The following RHEX variants were observed in gnomAD, a reference collection of about 807,000 sequenced individuals.
The protein encoded by RHEX is regulator of hemoglobinization and erythroid cell expansion protein.
RHEX carries 18 observed loss-of-function variants against 20.1 expected under a neutral mutation model. The observed-to-expected ratio is 0.90, with a 90% CI of 0.62 to 1.33. The LOEUF is 1.33. RHEX is among the 40% of genes most tolerant of loss of function. The pLI is 0.00. For missense variants in RHEX, 192 were observed against 214.3 expected (o/e 0.90, Z 0.65); for synonymous variants, 87 against 77.1 (o/e 1.13, Z -0.67).
intron 1 of RHEX, among the ~76,000 whole-genome samples, chr1:206,084,409 A>G (rs1304526690): frequency 6.6e-6 from 1 of 152,226 alleles, no homozygotes; most frequent in Non-Finnish European, 1.5e-5. Context: ...TCACACCTAA[A>G]GACGTAAGTG....
intron 1 of RHEX, among the ~76,000 whole-genome samples, chr1:206,091,509 A>C (rs1362933000): frequency 6.6e-6 from 1 of 152,244 alleles, no homozygotes; most frequent in African/African-American, 2.4e-5. Flanking sequence ...ATAAGTATTC[A>C]GTTTATCCAG....
At chr1:206,063,848 C>T (rs551262942) in intron 1 of RHEX, among the ~76,000 whole-genome samples, 5 of 151,516 alleles carry the variant, frequency 3.3e-5, no homozygotes, top group East Asian at 3.9e-4. Context: ...TCTGCCTGGC[C>T]GCCCATCGTC....
chr1:206,100,625 G>A (rs1553288267), intron 4 of RHEX, among the ~76,000 whole-genome samples: 1 of 152,146 alleles, frequency 6.6e-6, no homozygotes, highest in Non-Finnish European at 1.5e-5. Flanking sequence ...TTAGCTGTCA[G>A]GGACCTCAGA....
chr1:206,064,066 C>T (rs1293473695), intron 1 of RHEX, among the ~76,000 whole-genome samples: 2,589 of 148,206 alleles, frequency 0.017, 71 homozygotes, highest in African/African-American at 0.062. Flanking sequence ...ATGTGAGGAG[C>T]GCCTCTGCCC....
At chr1:206,088,896 T>C (rs544776985) in intron 1 of RHEX, among the ~76,000 whole-genome samples, 3 of 152,150 alleles carry the variant, frequency 2.0e-5, no homozygotes, top group East Asian at 3.9e-4. Context: ...CCACGGCTCA[T>C]GTAGCCTTGA....
chr1:206,077,250 A>T (rs868983635), intron 1 of RHEX, among the ~76,000 whole-genome samples: 4 of 152,176 alleles, frequency 2.6e-5, no homozygotes, highest in Non-Finnish European at 4.4e-5. Flanking sequence ...CCTTATGTGA[A>T]GTGAAAAAAA....
At chr1:206,084,586 T>G (rs994714942) in intron 1 of RHEX, among the ~76,000 whole-genome samples, 1 of 152,186 alleles carries the variant, frequency 6.6e-6, no homozygotes, top group Non-Finnish European at 1.5e-5. Context: ...AATGCGGTGC[T>G]GGGAAGCATG....
intron 3 of RHEX, chr1:206,098,429 A>G: frequency 2.1e-6 from 1 of 477,626 alleles, no homozygotes; most frequent in Admixed American, 3.4e-5. Flanking sequence ...TCTACTACCC[A>G]GACCTTCTGC....
At chr1:206,093,596 A>T (rs1328905058) in intron 1 of RHEX, among the ~76,000 whole-genome samples, 1 of 152,146 alleles carries the variant, frequency 6.6e-6, no homozygotes, top group African/African-American at 2.4e-5. Context: ...CATAGAAATC[A>T]TCTTCTATTG....
At chr1:206,080,896 G>A (rs1384465913) in intron 1 of RHEX, among the ~76,000 whole-genome samples, 3 of 152,074 alleles carry the variant, frequency 2.0e-5, no homozygotes, top group Admixed American at 1.3e-4. Context: ...TCTGCCTCTG[G>A]CGCTCAAACG....
intron 1 of RHEX, among the ~76,000 whole-genome samples, chr1:206,070,064 A>C (rs1662498179): frequency 6.6e-6 from 1 of 151,924 alleles, no homozygotes; most frequent in Non-Finnish European, 1.5e-5. Flanking sequence ...AAAAAGAATT[A>C]GTCTTTGTGG....
intron 1 of RHEX, among the ~76,000 whole-genome samples, chr1:206,059,253 C>T (rs1662259606): frequency 6.6e-6 from 1 of 152,160 alleles, no homozygotes; most frequent in Non-Finnish European, 1.5e-5. Context: ...CCTTCCTACC[C>T]TCCATCCAGT....
At chr1:206,085,221 G>A (rs1179625441) in intron 1 of RHEX, among the ~76,000 whole-genome samples, 1 of 152,182 alleles carries the variant, frequency 6.6e-6, no homozygotes, top group Non-Finnish European at 1.5e-5. Flanking sequence ...TAATAGCAAT[G>A]TGTACAGAGT....
chr1:206,071,276 G>A (rs1242845288), intron 1 of RHEX, among the ~76,000 whole-genome samples: 1 of 152,130 alleles, frequency 6.6e-6, no homozygotes, highest in Non-Finnish European at 1.5e-5. Context: ...GGAAGACTCA[G>A]GCCAGTCTAG....
chr1:206,097,439 C>T (rs1663095596), intron 1 of RHEX, among the ~76,000 whole-genome samples: 1 of 152,184 alleles, frequency 6.6e-6, no homozygotes, highest in Non-Finnish European at 1.5e-5. Context: ...CCCACCTACC[C>T]CTTTCACATG....
At chr1:206,079,093 A>G (rs531304726) in intron 1 of RHEX, among the ~76,000 whole-genome samples, 149 of 152,360 alleles carry the variant, frequency 9.8e-4, no homozygotes, top group Non-Finnish European at 1.6e-3. Flanking sequence ...TATAGTGTTC[A>G]TGATATATTC....
At chr1:206,086,347 GTTTT>G (rs374713458) in intron 1 of RHEX, among the ~76,000 whole-genome samples, 5 of 151,018 alleles carry the variant, frequency 3.3e-5, no homozygotes, top group Non-Finnish European at 5.9e-5. Context: ...GCATTTTCCT[GTTTT>G]TTTTTCTTTT....
chr1:206,097,984 A>G, intron 2 of RHEX, 97 bp from the exon 3 acceptor site: 1 of 1,197,764 alleles, frequency 8.3e-7, no homozygotes, highest in South Asian at 1.2e-5. Context: ...ACACGCAGCA[A>G]TGCCAGATGT....
chr1:206,054,044 C>G (rs1662133772), intron 1 of RHEX, among the ~76,000 whole-genome samples: 1 of 150,098 alleles, frequency 6.7e-6, no homozygotes, highest in South Asian at 2.1e-4. Flanking sequence ...ATGGTAACTT[C>G]TAATCTTGTG....
Sources: allele counts gnomAD v4.1 joint callset (sites outside exome capture counted in the v4.1 genomes callset), GRCh38; gene constraint gnomAD v4.1.1; transcripts MANE v1.5; gene names NCBI Gene and HGNC (gene_info 2026-07-23, HGNC 2026-07-21).